The following SLC2A13 variants were observed in gnomAD, a reference collection of about 807,000 sequenced individuals.
SLC2A13 encodes solute carrier family 2 member 13.
In SLC2A13, 32 loss-of-function variants were observed where a neutral mutation model predicts 64.4. The observed-to-expected ratio is 0.50, with a 90% CI of 0.37 to 0.67. The LOEUF (loss-of-function observed/expected upper bound fraction) is 0.67, where lower values mean the gene tolerates loss of function less well. Ranked by LOEUF, SLC2A13 falls within the 30% of genes least tolerant of loss-of-function variation. SLC2A13 has a pLI of 0.00. For synonymous variants in SLC2A13, 338 were observed against 327.1 expected, an observed-to-expected ratio of 1.03 and a Z score of -0.36; for missense variants, 743 against 829.2, an observed-to-expected ratio of 0.90 and a Z score of 1.28.
intron 4 of SLC2A13, among the ~76,000 whole-genome samples, chr12:39,898,329 G>A (rs1342738898): frequency 6.6e-6 from 1 of 152,122 alleles, no homozygotes; most frequent in Non-Finnish European, 1.5e-5. Context: ...AAACATTAGG[G>A]TGAAGCATGG....
intron 4 of SLC2A13, among the ~76,000 whole-genome samples, chr12:39,897,584 T>C (rs1231792815): frequency 1.3e-5 from 2 of 152,146 alleles, no homozygotes; most frequent in Non-Finnish European, 2.9e-5. Context: ...CAATGTCCAA[T>C]ATGGCAGGAA....
At chr12:39,859,981 C>A (rs919217661) in intron 6 of SLC2A13, among the ~76,000 whole-genome samples, 1 of 152,082 alleles carries the variant, frequency 6.6e-6, no homozygotes, top group Non-Finnish European at 1.5e-5. Context: ...CCTAATTGTA[C>A]AAGTCATCTT....
At chr12:40,100,773 G>C (rs955733765) in intron 1 of SLC2A13, among the ~76,000 whole-genome samples, 1 of 151,970 alleles carries the variant, frequency 6.6e-6, no homozygotes, top group Non-Finnish European at 1.5e-5. Flanking sequence ...AGACCAGCTT[G>C]GCCAACATGG....
intron 7 of SLC2A13, among the ~76,000 whole-genome samples, chr12:39,782,166 T>A (rs1941009819): frequency 6.6e-6 from 1 of 152,206 alleles, no homozygotes; most frequent in South Asian, 2.1e-4. Flanking sequence ...TGCTATGCTT[T>A]TATTACAAAG....
At chr12:40,093,888 C>A (rs1369426730) in intron 1 of SLC2A13, among the ~76,000 whole-genome samples, 2 of 152,044 alleles carry the variant, frequency 1.3e-5, no homozygotes, top group Non-Finnish European at 2.9e-5. Context: ...TAATCAGGGG[C>A]TTTGGGCAGA....
intron 1 of SLC2A13, among the ~76,000 whole-genome samples, chr12:40,102,853 ATTACATGC>A (rs1170862915): frequency 1.3e-5 from 2 of 152,224 alleles, no homozygotes; most frequent in African/African-American, 4.8e-5. Context: ...TATGTGTATA[ATTACATGC>A]TTTGCATAGA....
intron 9 of SLC2A13, 39 bp from the exon 10 acceptor site, chr12:39,760,291 T>C (rs369970252): frequency 8.4e-6 from 13 of 1,540,510 alleles, no homozygotes; most frequent in African/African-American, 5.5e-5. Flanking sequence ...TATGAATATA[T>C]AGAGAGAGGC....
chr12:39,969,369 C>T (rs1262350128), intron 3 of SLC2A13, among the ~76,000 whole-genome samples: 35 of 152,120 alleles, frequency 2.3e-4, no homozygotes, highest in Non-Finnish European at 3.4e-4. Flanking sequence ...CTTGAGGAAT[C>T]GCCACACTGT....
chr12:39,986,423 T>C (rs1947032447), intron 3 of SLC2A13, among the ~76,000 whole-genome samples: 1 of 152,138 alleles, frequency 6.6e-6, no homozygotes, highest in Non-Finnish European at 1.5e-5. Flanking sequence ...TGATATGAAC[T>C]AGTGCATGGT....
At chr12:40,068,366 A>AC in intron 1 of SLC2A13, 1 of 348,324 alleles carries the variant, frequency 2.9e-6, no homozygotes, top group East Asian at 1.1e-4. Context: ...TATTATTACC[A>AC]CTGTAGTGAT....
intron 1 of SLC2A13, among the ~76,000 whole-genome samples, chr12:40,049,778 A>C (rs1342389360): frequency 6.6e-6 from 1 of 152,168 alleles, no homozygotes; most frequent in Non-Finnish European, 1.5e-5. Flanking sequence ...GGCAAGATTT[A>C]TTTAAGTAAT....
intron 4 of SLC2A13, among the ~76,000 whole-genome samples, chr12:39,947,658 CTTTTTTTTT>C (rs35298500): frequency 4.9e-5 from 6 of 122,238 alleles, no homozygotes; most frequent in African/African-American, 1.9e-4. Flanking sequence ...GTGAGAATTT[CTTTTTTTTT>C]TTTTTTTTTT....
chr12:40,090,473 T>C (rs1156860886), intron 1 of SLC2A13, among the ~76,000 whole-genome samples: 2 of 152,188 alleles, frequency 1.3e-5, no homozygotes, highest in Non-Finnish European at 2.9e-5. Flanking sequence ...TTAGATTAAG[T>C]AGCCAGATGT....
At chr12:39,760,276 A>G in intron 9 of SLC2A13, 24 bp from the exon 10 acceptor site, 1 of 1,568,946 alleles carries the variant, frequency 6.4e-7, no homozygotes, top group Non-Finnish European at 8.7e-7. Flanking sequence ...TAATAGATAC[A>G]TGAATATGAA....
intron 3 of SLC2A13, among the ~76,000 whole-genome samples, chr12:39,954,769 C>G (rs575188207): frequency 1.8e-4 from 28 of 152,208 alleles, no homozygotes; most frequent in Non-Finnish European, 3.1e-4. Context: ...CAGGAAAATA[C>G]AATTTGTAAA....
intron 4 of SLC2A13, among the ~76,000 whole-genome samples, chr12:39,937,147 A>C (rs1345659123): frequency 1.3e-5 from 2 of 152,192 alleles, no homozygotes; most frequent in Non-Finnish European, 2.9e-5. Flanking sequence ...AGAGAAGAAT[A>C]AATGTAAATC....
intron 3 of SLC2A13, among the ~76,000 whole-genome samples, chr12:39,990,697 A>G (rs1947120973): frequency 2.0e-5 from 3 of 152,252 alleles, no homozygotes; most frequent in South Asian, 2.1e-4. Context: ...GGGGGCCTCC[A>G]TTGCCCCCTA....
At chr12:39,973,392 C>T (rs1946701791) in intron 3 of SLC2A13, among the ~76,000 whole-genome samples, 2 of 152,190 alleles carry the variant, frequency 1.3e-5, no homozygotes, top group South Asian at 2.1e-4. Flanking sequence ...AGCTTTGCTT[C>T]CTGATATCCA....
chr12:40,030,542 T>C (rs1329283782), intron 2 of SLC2A13, among the ~76,000 whole-genome samples: 1 of 152,180 alleles, frequency 6.6e-6, no homozygotes, highest in African/African-American at 2.4e-5. Context: ...ACACTTCTCA[T>C]GATCTTTCCA....
Sources: gnomAD v4.1 joint callset for allele counts (sites outside exome capture counted in the v4.1 genomes callset) on GRCh38, gnomAD v4.1.1 for gene constraint, MANE v1.5 for transcripts, NCBI Gene and HGNC (gene_info 2026-07-23, HGNC 2026-07-21) for gene names.